CSMD2: variants seen among roughly 807,000 people sequenced by gnomAD.
The protein encoded by CSMD2 is CUB and Sushi multiple domains 2.
In CSMD2, 130 loss-of-function variants were observed where a neutral mutation model predicts 398.5. That is an observed-to-expected ratio of 0.33 (90% confidence interval 0.28 to 0.38). CSMD2 has a LOEUF of 0.38. Ranked by LOEUF, CSMD2 falls within the 10% of genes least tolerant of loss-of-function variation. The pLI is 1.00. For missense variants in CSMD2, 3,829 were observed against 4,764.9 expected (o/e 0.80, Z 5.78); for synonymous variants, 1,828 against 1,908.5 (o/e 0.96, Z 1.10).
chr1:33,674,320 A>G (rs1461404971), intron 25 of CSMD2, among the ~76,000 whole-genome samples: 1 of 152,240 alleles, frequency 6.6e-6, no homozygotes, highest in African/African-American at 2.4e-5. Flanking sequence ...AGTCTCTGAT[A>G]AAACAGACTT....
At chr1:33,970,901 T>C (rs1203886388) in intron 3 of CSMD2, among the ~76,000 whole-genome samples, 1 of 152,206 alleles carries the variant, frequency 6.6e-6, no homozygotes. Context: ...CAACCAACCA[T>C]GTGCATTGTT....
rs183098628 is a variant in CSMD2 at position 34,067,837 on chromosome 1, T to C, written c.404+21140A>G. 2.0e-4 allele frequency among the ~76,000 whole-genome samples: 30 copies of C among 152,328 alleles called. No individual in the cohort carries two copies. In the East Asian group the frequency reaches 5.0e-3, roughly 25 times the overall value. On this transcript the variant is annotated intron_variant, in intron 2 of 70. Transcript: ENST00000373381. ...TCACTCTGAAGATGCTTTTTCAAACTGCACACGTACCTCCCTTCTGGCTCC... is the reference window on the plus strand; with the variant it reads ...TCACTCTGAAGATGCTTTTTCAAACCGCACACGTACCTCCCTTCTGGCTCC...
intron 25 of CSMD2, among the ~76,000 whole-genome samples, chr1:33,670,356 G>C (rs1277837508): frequency 6.6e-6 from 1 of 152,174 alleles, no homozygotes; most frequent in Non-Finnish European, 1.5e-5. Flanking sequence ...ATTGATGAAT[G>C]AACGAATGGC....
chr1:33,514,166 T>C lies in CSMD2; in HGVS notation c.*2458A>G, dbSNP rs1180107367. 2 of 152,530 alleles carry C rather than the reference T, an allele frequency of 1.3e-5. No homozygotes were observed. Among genetic ancestry groups the C allele is most frequent in the Admixed American group, 6.5e-5 (1 of 15,278 alleles). The allele number at this position is 152,530 out of a possible 1,614,324, so 9.4% of individuals were successfully genotyped here. On this transcript the variant is annotated 3_prime_UTR_variant, in exon 71 of 71. Coordinates refer to ENST00000373381, the MANE Select transcript of CSMD2 (RefSeq NM_001281956.2). ...CAGACAAGCCAAGAAGGTGTGTAGA[T>C]TACATATTTACAGCACTTGATGTTT...
chr1:33,597,000 A>G (rs1226486351), intron 44 of CSMD2, among the ~76,000 whole-genome samples: 1 of 152,120 alleles, frequency 6.6e-6, no homozygotes, highest in South Asian at 2.1e-4. Flanking sequence ...CTAGACTTAT[A>G]TTAGAAGAAG....
At chr1:34,120,100 A>G (rs922125939) in intron 1 of CSMD2, among the ~76,000 whole-genome samples, 3 of 152,252 alleles carry the variant, frequency 2.0e-5, no homozygotes, top group Non-Finnish European at 4.4e-5. Flanking sequence ...TTAAAAAAGG[A>G]AGGAAATCTT....
At chr1:34,115,390 A>G (rs1485893310) in intron 1 of CSMD2, among the ~76,000 whole-genome samples, 1 of 152,192 alleles carries the variant, frequency 6.6e-6, no homozygotes, top group Non-Finnish European at 1.5e-5. Context: ...TAAGATTATC[A>G]GCAGATTTCT....
intron 1 of CSMD2, among the ~76,000 whole-genome samples, chr1:34,093,136 C>G (rs893818903): frequency 6.6e-6 from 1 of 152,106 alleles, no homozygotes; most frequent in Non-Finnish European, 1.5e-5. Context: ...AGGCACCCCC[C>G]AGCAGGGGCA....
rs115683623 is a variant in CSMD2 at position 34,086,703 on chromosome 1, C to T, written c.404+2274G>A. On this transcript the variant is annotated intron_variant, in intron 2 of 70. Coordinates refer to ENST00000373381, the MANE Select transcript of CSMD2 (RefSeq NM_001281956.2). ...AGACCCAAGCCTCCTTCTTCTCTGC[C>T]CTGAACAGCAGCCTCCAGCCTCACC... Among the ~76,000 whole-genome samples the T allele has an allele frequency of 4.0e-3, 611 of 152,288 alleles. 1 individual carries two copies. The highest frequency in any genetic ancestry group is 6.0e-3 in the Non-Finnish European group (409 of 68,030).
chr1:34,073,830 A>C (rs1260989921), intron 2 of CSMD2, among the ~76,000 whole-genome samples: 1 of 152,238 alleles, frequency 6.6e-6, no homozygotes, highest in Non-Finnish European at 1.5e-5. Context: ...GGGACAATTT[A>C]TAAAGGAAAG....
At chr1:33,927,361 G>A (rs1396040323) in intron 4 of CSMD2, among the ~76,000 whole-genome samples, 1 of 152,126 alleles carries the variant, frequency 6.6e-6, no homozygotes, top group African/African-American at 2.4e-5. Context: ...GCCACCTAAG[G>A]TATCCTTCTG....
chr1:34,162,706 A>T (rs1641462014), intron 1 of CSMD2, among the ~76,000 whole-genome samples: 1 of 152,082 alleles, frequency 6.6e-6, no homozygotes, highest in Non-Finnish European at 1.5e-5. Flanking sequence ...TAAAAATACA[A>T]AAATTAACCG....
intron 62 of CSMD2, among the ~76,000 whole-genome samples, chr1:33,535,228 T>A (rs1227947622): frequency 6.6e-6 from 1 of 152,176 alleles, no homozygotes; most frequent in Non-Finnish European, 1.5e-5. Flanking sequence ...CCATGCAACT[T>A]AAGAGCTATG....
Position 33,514,870 on chromosome 1 carries a change from T to C in CSMD2, c.*1754A>G, listed in dbSNP as rs1325371141. 6.6e-6 allele frequency: 1 copy of C among 152,174 alleles called. No individual in the cohort carries two copies. Among genetic ancestry groups the C allele is most frequent in the African/African-American group, 2.4e-5 (1 of 41,420 alleles). The allele number at this position is 152,174 out of a possible 1,614,324, so 9.4% of individuals were successfully genotyped here. On this transcript the variant is annotated 3_prime_UTR_variant, in exon 71 of 71. Coordinates refer to ENST00000373381, the MANE Select transcript of CSMD2 (RefSeq NM_001281956.2). ...TGGAAATGGACGCCTCTCACTTTCC[T>C]CTGGCCACTCTTAACATCAGTCAGA...
chr1:33,863,229 C>T (rs1023533353), intron 5 of CSMD2: 2 of 152,220 alleles, frequency 1.3e-5, no homozygotes, highest in African/African-American at 4.8e-5. Flanking sequence ...CAGAATGACA[C>T]TTTTTCATCT....
chr1:34,046,395 C>T (rs1011299743), intron 2 of CSMD2, among the ~76,000 whole-genome samples: 14 of 152,134 alleles, frequency 9.2e-5, no homozygotes, highest in South Asian at 8.3e-4. Context: ...TTATTTGGAC[C>T]TAACTACTTA....
At chr1:33,599,841 TTC>T in intron 44 of CSMD2, 1 of 297,208 alleles carries the variant, frequency 3.4e-6, no homozygotes, top group Non-Finnish European at 6.2e-6. Flanking sequence ...TGCTTCCTGT[TTC>T]TTTCACTACC....
At chr1:33,569,894 T>C (rs561813757) in intron 51 of CSMD2, among the ~76,000 whole-genome samples, 1 of 152,296 alleles carries the variant, frequency 6.6e-6, no homozygotes, top group South Asian at 2.1e-4. Context: ...TGCTCCTGAG[T>C]GCCCTGGGCA....
chr1:33,554,344 C>T lies in CSMD2; in HGVS notation c.8743+3390G>A, dbSNP rs1004355576. On this transcript the variant is annotated intron_variant, in intron 55 of 70. Coordinates refer to ENST00000373381, the MANE Select transcript of CSMD2 (RefSeq NM_001281956.2). ...GAGTAGCTGGGACTACAGGTGCACA[C>T]CACCACGCCTGGCTAATTTTTTTGT... Among the ~76,000 whole-genome samples the T allele has an allele frequency of 2.0e-5, 3 of 152,130 alleles. No individual in the cohort carries two copies. In the East Asian group the frequency reaches 5.8e-4, roughly 29 times the overall value.
Sources: allele counts gnomAD v4.1 joint callset (sites outside exome capture counted in the v4.1 genomes callset), GRCh38; gene constraint gnomAD v4.1.1; transcripts MANE v1.5; gene names NCBI Gene and HGNC (gene_info 2026-07-23, HGNC 2026-07-21).